CRTAC1: variants seen among roughly 807,000 people sequenced by gnomAD.
CRTAC1 encodes the protein acidic secreted protein in cartilage.
In CRTAC1, 37 loss-of-function variants were observed where a neutral mutation model predicts 67.8. The ratio of observed to expected loss-of-function variants is 0.55; its 90% CI spans 0.42 to 0.72. CRTAC1 has a LOEUF of 0.72. Among genes scored for constraint, CRTAC1 ranks in the 30% least tolerant of loss-of-function variants. The pLI, the probability that CRTAC1 is intolerant of heterozygous loss-of-function variation, is 0.00. For missense variants in CRTAC1, 780 were observed against 931.6 expected, an observed-to-expected ratio of 0.84 and a Z score of 2.12; for synonymous variants, 348 against 371.0, an observed-to-expected ratio of 0.94 and a Z score of 0.71.
chr10:97,891,397 G>A (rs1265977302), intron 11 of CRTAC1, among the ~76,000 whole-genome samples: 3 of 152,116 alleles, frequency 2.0e-5, no homozygotes, highest in Non-Finnish European at 1.5e-5. Context: ...TTAGGCCCTC[G>A]TCCACCCCTT....
At position 97,867,701 on chromosome 10, in the gene CRTAC1, C is replaced by CT. The variant is rs796952761; in HGVS notation, c.1820-1988dup. 1,421 of 144,346 alleles carry CT rather than the reference C, an allele frequency of 9.8e-3. 28 individuals are homozygous for CT. Among genetic ancestry groups the CT allele is most frequent in the African/African-American group, 0.03 (1,187 of 39,584 alleles). The allele number at this position is 144,346 out of a possible 1,614,324, so 8.9% of individuals were successfully genotyped here. On this transcript the variant is annotated intron_variant, in intron 14 of 14. Transcript: ENST00000370597. ...GGCTGGGCACAGGCAGTGCTATGGC[C>CT]TTTTTTTTTTTTTTCTTTTTCCAAT...
chr10:97,901,187 C>T (rs554781152), intron 8 of CRTAC1, among the ~76,000 whole-genome samples: 2 of 152,298 alleles, frequency 1.3e-5, no homozygotes, highest in East Asian at 3.9e-4. Context: ...ACCCTGTAGC[C>T]CCTTTTTGTG....
intron 8 of CRTAC1, among the ~76,000 whole-genome samples, chr10:97,898,646 T>C (rs116500458): frequency 0.021 from 3,271 of 152,176 alleles, 109 homozygotes; most frequent in African/African-American, 0.071. Flanking sequence ...TCTAGAAGGT[T>C]TTCGGTGGGA....
chr10:98,001,640 A>G (rs1842690399), intron 2 of CRTAC1, among the ~76,000 whole-genome samples: 1 of 152,162 alleles, frequency 6.6e-6, no homozygotes, highest in South Asian at 2.1e-4. Flanking sequence ...AAAATACCAG[A>G]CCCATGCTTT....
In CRTAC1 at chr10:97,975,324, GC is replaced by G. The variant is rs1041944750; in HGVS notation, c.224+35813del. Among the ~76,000 whole-genome samples, 5 of 152,044 alleles carry G rather than the reference GC, an allele frequency of 3.3e-5. No individual in the cohort carries two copies. The highest frequency in any genetic ancestry group is 7.4e-5 in the Non-Finnish European group (5 of 67,984). On this transcript the variant is annotated intron_variant, in intron 2 of 14. Coordinates refer to ENST00000370597, the MANE Select transcript of CRTAC1 (RefSeq NM_018058.7). The surrounding 1 kb of genome is among the most constrained non-coding windows in gnomAD (Gnocchi z 4.8). ...CACGGGTGCTGCGGGAGGCGCCAGG[GC>G]CGGTTCCTGACCCGCCTCCTGGCTG...
rs116195039 is a variant in CRTAC1 at position 97,920,321 on chromosome 10, C to T, written c.559-2665G>A. ...TTTTTCGGGGGTATAAACTGACAAA[C>T]GCAGATGTGTTACGGTTGTAGAAGA... On this transcript the variant is annotated intron_variant, in intron 4 of 14. Transcript: ENST00000370597. 2.7e-3 allele frequency among the ~76,000 whole-genome samples: 404 copies of T among 152,262 alleles called. 5 individuals carry two copies. The highest frequency in any genetic ancestry group is 0.01 in the Middle Eastern group (3 of 294).
chr10:97,954,012 G>C (rs1169759844), intron 2 of CRTAC1, among the ~76,000 whole-genome samples: 1 of 152,172 alleles, frequency 6.6e-6, no homozygotes, highest in Non-Finnish European at 1.5e-5. Context: ...ATCAATGCCA[G>C]GTGGCTGTCG....
chr10:97,941,893 C>A (rs1005708749), intron 2 of CRTAC1, among the ~76,000 whole-genome samples: 1 of 152,202 alleles, frequency 6.6e-6, no homozygotes, highest in African/African-American at 2.4e-5. Context: ...TGTGATCACT[C>A]CTGGCCTTGG....
intron 13 of CRTAC1, among the ~76,000 whole-genome samples, chr10:97,881,511 C>T (rs1307300638): frequency 2.0e-5 from 3 of 152,230 alleles, no homozygotes; most frequent in Non-Finnish European, 4.4e-5. Context: ...AGAATGGATG[C>T]CCCTCTTGTG....
rs764687989 is a variant in CRTAC1, at chr10:97,895,872, G to A, written c.1317+13C>T. 29 of 1,606,126 alleles carry A rather than the reference G, an allele frequency of 1.8e-5. No individual in the cohort carries two copies. Among genetic ancestry groups the A allele is most frequent in the Non-Finnish European group, 2.5e-5 (29 of 1,173,210 alleles). Reference sequence around the variant, plus strand: ...CAGGGCTGGGATCTGTGGCTCCTGAGGTCTTAGCGCACCTGATTGCCCCGG... The same window carrying A: ...CAGGGCTGGGATCTGTGGCTCCTGAAGTCTTAGCGCACCTGATTGCCCCGG... On this transcript the variant is annotated intron_variant, in intron 10 of 14. Coordinates refer to ENST00000370597, the MANE Select transcript of CRTAC1 (RefSeq NM_018058.7). This position sits in a 1 kb window ranked among gnomAD's most constrained non-coding sequence, Gnocchi z 4.2.
Position 97,895,717 on chromosome 10 carries a change from T to C in CRTAC1, c.1317+168A>G, listed in dbSNP as rs1267060725. Among the ~76,000 whole-genome samples the C allele has an allele frequency of 2.0e-5, 3 of 152,070 alleles. No individual in the cohort carries two copies. The highest frequency in any genetic ancestry group is 4.4e-5 in the Non-Finnish European group (3 of 68,008). On this transcript the variant is annotated intron_variant, in intron 10 of 14. Transcript: ENST00000370597. The surrounding 1 kb of genome is among the most constrained non-coding windows in gnomAD (Gnocchi z 4.2). ...CAAGGGCTTCTCCCAAGGCGGCCCT[T>C]CCTGAGCTTCCCGGTGCTGCTGGAA...
chr10:97,868,380 C>T (rs1256645803), intron 14 of CRTAC1: 1 of 152,242 alleles, frequency 6.6e-6, no homozygotes, highest in Non-Finnish European at 1.5e-5. Flanking sequence ...GACTCAGTGC[C>T]CACTCTGTTA....
chr10:97,945,034 A>G (rs1425150432), intron 2 of CRTAC1, among the ~76,000 whole-genome samples: 1 of 152,228 alleles, frequency 6.6e-6, no homozygotes, highest in African/African-American at 2.4e-5. Context: ...AAAATAATAA[A>G]TTGTTTTTAA....
At chr10:97,986,400 T>C (rs2051984359) in intron 2 of CRTAC1, among the ~76,000 whole-genome samples, 1 of 152,234 alleles carries the variant, frequency 6.6e-6, no homozygotes, top group African/African-American at 2.4e-5. Flanking sequence ...AGGGCAGCCC[T>C]TCCTTCGTGA....
chr10:97,975,085 C>T lies in CRTAC1; in HGVS notation c.224+36053G>A, dbSNP rs894900048. ...TCCCGGGTGGCGGTGGAGGGCCGGC[C>T]CGGGAGGAGCGGCGGAGGGGCCGGA... On this transcript the variant is annotated intron_variant, in intron 2 of 14. Transcript: ENST00000370597. The surrounding 1 kb of genome is among the most constrained non-coding windows in gnomAD (Gnocchi z 4.8). 4.6e-5 allele frequency among the ~76,000 whole-genome samples: 7 copies of T among 152,066 alleles called. No individual in the cohort carries two copies. Among genetic ancestry groups the T allele is most frequent in the Admixed American group, 1.3e-4 (2 of 15,270 alleles).
chr10:97,923,363 G>T lies in CRTAC1; in HGVS notation c.459C>A (p.Arg153=). The change falls in exon 4 of 15, where the codon CGC becomes CGA. Residue 153 remains arginine, a synonymous_variant. Transcript: ENST00000370597. ...ATYTDKLFKF[R]NNRWEDILSD... is the part of the protein sequence containing the mutation. Reference sequence around the variant, plus strand: ...TCAGGATGTCTTCCCACCGGTTATTGCGGAACTTGAACAACTTGTCGGTGT... The same window carrying T: ...TCAGGATGTCTTCCCACCGGTTATTTCGGAACTTGAACAACTTGTCGGTGT... 6.2e-7 allele frequency: 1 copy of T among 1,614,154 alleles called. No homozygotes were observed. The highest frequency in any genetic ancestry group is 8.5e-7 in the Non-Finnish European group (1 of 1,180,036).
chr10:97,892,380 T>C (rs2050388172), intron 11 of CRTAC1, among the ~76,000 whole-genome samples: 1 of 152,152 alleles, frequency 6.6e-6, no homozygotes, highest in Non-Finnish European at 1.5e-5. Flanking sequence ...GTGGGGGAGT[T>C]GATATCCAAC....
chr10:97,980,691 G>A (rs938102791), intron 2 of CRTAC1, among the ~76,000 whole-genome samples: 2 of 152,164 alleles, frequency 1.3e-5, no homozygotes, highest in Non-Finnish European at 2.9e-5. Context: ...ACTTAGACAC[G>A]GAGGCACCTA....
chr10:97,868,539 G>C (rs2136524962), intron 14 of CRTAC1: 1 of 152,462 alleles, frequency 6.6e-6, no homozygotes, highest in South Asian at 2.1e-4. Context: ...TCCCCTCTGG[G>C]TGGTTCTCAT....
Sources: gnomAD v4.1 joint callset for allele counts (sites outside exome capture counted in the v4.1 genomes callset) on GRCh38, gnomAD v4.1.1 for gene constraint, Gnocchi (gnomAD v3.1) non-coding constraint, MANE v1.5 for transcripts, NCBI Gene and HGNC (gene_info 2026-07-23, HGNC 2026-07-21) for gene names.